The following DUSP16 variants were observed in gnomAD, a reference collection of about 807,000 sequenced individuals.
DUSP16 encodes the protein dual specificity protein phosphatase 16.
A neutral mutation model predicts 58.3 loss-of-function variants in DUSP16; 21 were observed. The ratio of observed to expected loss-of-function variants is 0.36; its 90% CI spans 0.26 to 0.52. The LOEUF (loss-of-function observed/expected upper bound fraction) is 0.52, where lower values mean the gene tolerates loss of function less well. Among genes scored for constraint, DUSP16 ranks in the 20% least tolerant of loss-of-function variants. The pLI, the probability that DUSP16 is intolerant of heterozygous loss-of-function variation, is 0.94. For synonymous variants in DUSP16, 320 were observed against 323.8 expected (o/e 0.99, Z 0.12); for missense variants, 726 against 819.0 (o/e 0.89, Z 1.39).
intron 1 of DUSP16, among the ~76,000 whole-genome samples, chr12:12,548,944 G>A (rs901890383): frequency 1.3e-5 from 2 of 152,128 alleles, no homozygotes; most frequent in African/African-American, 4.8e-5. Flanking sequence ...ATGAAAAGCA[G>A]AGACTAGGGT....
At chr12:12,494,755 G>A (rs1943806278) in intron 4 of DUSP16, among the ~76,000 whole-genome samples, 1 of 152,098 alleles carries the variant, frequency 6.6e-6, no homozygotes, top group Admixed American at 6.6e-5. Context: ...GGAGAGGTAA[G>A]AACTAAAAAG....
chr12:12,554,196 C>CAAAAAAAAAAAA (rs59499569), intron 1 of DUSP16, among the ~76,000 whole-genome samples: 1 of 66,160 alleles, frequency 1.5e-5, no homozygotes, highest in Non-Finnish European at 3.0e-5. Context: ...AACTGGGTCT[C>CAAAAAAAAAAAA]AAAAAAAAAA....
intron 3 of DUSP16, among the ~76,000 whole-genome samples, chr12:12,517,415 C>T (rs1459839416): frequency 6.6e-6 from 1 of 152,160 alleles, no homozygotes; most frequent in Non-Finnish European, 1.5e-5. Context: ...TCAGTTATTT[C>T]TCCCCAACCA....
chr12:12,478,513 T>C (rs922088691), intron 6 of DUSP16, among the ~76,000 whole-genome samples: 5 of 152,192 alleles, frequency 3.3e-5, no homozygotes, highest in African/African-American at 1.2e-4. Context: ...TTAAAGTTTC[T>C]TTTGTAGAGA....
chr12:12,544,789 T>C (rs1330011061), intron 1 of DUSP16, among the ~76,000 whole-genome samples: 1 of 152,216 alleles, frequency 6.6e-6, no homozygotes, highest in Non-Finnish European at 1.5e-5. Flanking sequence ...TAGCCTATAA[T>C]TTATTTTTGT....
intron 4 of DUSP16, among the ~76,000 whole-genome samples, chr12:12,496,319 T>G (rs1943827087): frequency 6.6e-6 from 1 of 152,232 alleles, no homozygotes; most frequent in South Asian, 2.1e-4. Flanking sequence ...CTGAAAGCAT[T>G]CTTAGCCTAT....
intron 1 of DUSP16, among the ~76,000 whole-genome samples, chr12:12,531,924 C>T (rs1163469143): frequency 6.6e-6 from 1 of 151,144 alleles, no homozygotes; most frequent in Non-Finnish European, 1.5e-5. Context: ...TTTGGGAGGC[C>T]GAGGCGGGTG....
At chr12:12,524,618 C>A (rs989231722) in intron 1 of DUSP16, among the ~76,000 whole-genome samples, 1 of 152,270 alleles carries the variant, frequency 6.6e-6, no homozygotes, top group East Asian at 1.9e-4. Flanking sequence ...GCAACATCAC[C>A]AAGCTAATCT....
chr12:12,507,186 A>C (rs1181328713), intron 3 of DUSP16, among the ~76,000 whole-genome samples: 1 of 152,262 alleles, frequency 6.6e-6, no homozygotes, highest in Non-Finnish European at 1.5e-5. Context: ...AAGTATATTT[A>C]CATAATAAAC....
intron 1 of DUSP16, among the ~76,000 whole-genome samples, chr12:12,546,119 G>C (rs1944638089): frequency 6.6e-6 from 1 of 152,080 alleles, no homozygotes; most frequent in Admixed American, 6.6e-5. Flanking sequence ...AAACATCTGA[G>C]AGTTATTTAT....
intron 4 of DUSP16, among the ~76,000 whole-genome samples, chr12:12,497,143 TG>T (rs1279250705): frequency 6.6e-6 from 1 of 152,274 alleles, no homozygotes; most frequent in Non-Finnish European, 1.5e-5. Flanking sequence ...GATTGCATGT[TG>T]AAATACTATT....
rs754549663 is a variant in DUSP16 at position 12,500,638 on chromosome 12, C to T, written c.412G>A (p.Gly138Arg). Residue 138 changes from glycine (G) to arginine (R), a missense_variant, in exon 4 of 7, where the codon GGA (glycine) becomes AGA (arginine). Physicochemically the swap from Gly to Arg is moderately radical, Grantham distance 125. Coordinates refer to ENST00000298573, the MANE Select transcript of DUSP16 (RefSeq NM_030640.3). ...CAGGTAGGGACTAGAGTGGATTTTC[C>T]TTCACAGAGGCCAGGGAAACAACGA... ...FSRCFPGLCE[G>R]KSTLVPTCIS... 1.2e-6 allele frequency: 2 copies of T among 1,606,814 alleles called. No homozygotes were observed. Among genetic ancestry groups the T allele is most frequent in the East Asian group, 2.3e-5 (1 of 44,186 alleles).
chr12:12,554,196 C>CAAAAAAAAAAAAAAAAAA (rs59499569), intron 1 of DUSP16, among the ~76,000 whole-genome samples: 1 of 66,160 alleles, frequency 1.5e-5, no homozygotes, highest in African/African-American at 5.4e-5. Flanking sequence ...AACTGGGTCT[C>CAAAAAAAAAAAAAAAAAA]AAAAAAAAAA....
chr12:12,505,919 C>G (rs780129229), intron 3 of DUSP16, among the ~76,000 whole-genome samples: 3 of 152,220 alleles, frequency 2.0e-5, no homozygotes, highest in Non-Finnish European at 2.9e-5. Flanking sequence ...TAGCTGCAAT[C>G]AGAACATTCA....
In DUSP16 at chr12:12,549,152, C is replaced by T. The variant is rs80121649; in HGVS notation, c.-366+12965G>A. Among the ~76,000 whole-genome samples the T allele has an allele frequency of 6.7e-4, 102 of 152,166 alleles. 1 individual carries two copies. The East Asian group carries it at 0.015, about 22-fold the overall frequency. ...ATTTTAGCTTTAGCCTCTTTACCAT[C>T]GACATCATTATTAGGGATACAACCC... On this transcript the variant is annotated intron_variant, in intron 1 of 6. Coordinates refer to ENST00000298573, the MANE Select transcript of DUSP16 (RefSeq NM_030640.3).
intron 1 of DUSP16, among the ~76,000 whole-genome samples, chr12:12,531,755 C>T (rs1179469736): frequency 3.3e-5 from 5 of 152,160 alleles, no homozygotes; most frequent in Admixed American, 2.0e-4. Flanking sequence ...CCTGTAATCC[C>T]GGCTACTCGG....
intron 1 of DUSP16, among the ~76,000 whole-genome samples, chr12:12,540,831 G>A (rs996943927): frequency 1.3e-5 from 2 of 152,080 alleles, no homozygotes; most frequent in African/African-American, 4.8e-5. Flanking sequence ...AATTCTGGAG[G>A]CAACTTCCTG....
chr12:12,509,129 A>G (rs951458169), intron 3 of DUSP16, among the ~76,000 whole-genome samples: 1 of 152,242 alleles, frequency 6.6e-6, no homozygotes, highest in Non-Finnish European at 1.5e-5. Context: ...GACTGCAACC[A>G]GAATAACCCA....
intron 3 of DUSP16, among the ~76,000 whole-genome samples, chr12:12,512,842 G>A (rs1043211148): frequency 3.3e-5 from 5 of 152,106 alleles, no homozygotes; most frequent in African/African-American, 7.2e-5. Flanking sequence ...TACAGGATTC[G>A]AAATGGAATT....
Sources: gnomAD v4.1 joint callset for allele counts (sites outside exome capture counted in the v4.1 genomes callset) on GRCh38, gnomAD v4.1.1 for gene constraint, MANE v1.5 for transcripts, NCBI Gene and HGNC (gene_info 2026-07-23, HGNC 2026-07-21) for gene names.